GIGYF2: variants seen among roughly 807,000 people sequenced by gnomAD.
The protein encoded by GIGYF2 is GRB10-interacting GYF protein 2.
A neutral mutation model predicts 208.1 loss-of-function variants in GIGYF2; 25 were observed. That is an observed-to-expected ratio of 0.12 (90% CI 0.09 to 0.17). GIGYF2 has a LOEUF of 0.17. GIGYF2 is among the 10% of genes least tolerant of loss of function. The probability of loss-of-function intolerance (pLI) is 1.00; values close to 1 mark genes in which losing one functional copy is unlikely to be tolerated. For synonymous variants in GIGYF2, 534 were observed against 543.8 expected, an observed-to-expected ratio of 0.98 and a Z score of 0.25; for missense variants, 1,302 against 1,579.4, an observed-to-expected ratio of 0.82 and a Z score of 2.98.
intron 27 of GIGYF2, 78 bp from the exon 28 acceptor site, chr2:232,850,184 G>A: frequency 1.7e-6 from 2 of 1,207,618 alleles, no homozygotes; most frequent in Non-Finnish European, 2.5e-6. Flanking sequence ...GATAAGGTGA[G>A]GACAAACCAA....
chr2:232,843,989 T>G, intron 23 of GIGYF2, 57 bp from the exon 24 acceptor site: 1 of 1,519,818 alleles, frequency 6.6e-7, no homozygotes, highest in Non-Finnish European at 9.1e-7. Flanking sequence ...TACTGGATAT[T>G]TATAACTATT....
intron 14 of GIGYF2, among the ~76,000 whole-genome samples, chr2:232,800,193 T>C (rs1157694985): frequency 2.0e-5 from 3 of 152,132 alleles, no homozygotes; most frequent in African/African-American, 7.2e-5. Context: ...ATCCTAGAAA[T>C]CATTATTGTA....
chr2:232,843,951 C>G, intron 23 of GIGYF2, 95 bp from the exon 24 acceptor site: 1 of 1,059,752 alleles, frequency 9.4e-7, no homozygotes, highest in African/African-American at 1.6e-5. Context: ...TTTTATGTAG[C>G]TACTGTGTAT....
At chr2:232,825,714 A>T (rs928394481) in intron 21 of GIGYF2, among the ~76,000 whole-genome samples, 1 of 149,852 alleles carries the variant, frequency 6.7e-6, no homozygotes, top group Non-Finnish European at 1.5e-5. Flanking sequence ...ATTGACTCCA[A>T]TTTTTTTTTT....
intron 2 of GIGYF2, among the ~76,000 whole-genome samples, chr2:232,713,908 A>G (rs1320675624): frequency 4.0e-5 from 6 of 150,726 alleles, no homozygotes; most frequent in Non-Finnish European, 8.9e-5. Context: ...CTGTGAAGTT[A>G]GTTATTCCCC....
intron 9 of GIGYF2, among the ~76,000 whole-genome samples, chr2:232,787,927 C>T (rs1699964621): frequency 6.6e-6 from 1 of 152,136 alleles, no homozygotes; most frequent in East Asian, 1.9e-4. Flanking sequence ...TCAAACTGTT[C>T]TTCTTGGACA....
At position 232,860,526 on chromosome 2, in the gene GIGYF2, G is replaced by A. The variant is rs1364303766; in HGVS notation, c.*3666G>A. Reference sequence around the variant, plus strand: ...GACTGATAACAAAATTGGTAATTTTGTATAAAATGCCCAACTGTGCATTAT... The same window carrying A: ...GACTGATAACAAAATTGGTAATTTTATATAAAATGCCCAACTGTGCATTAT... On this transcript the variant is annotated 3_prime_UTR_variant, in exon 29 of 29. Coordinates refer to ENST00000373563, the MANE Select transcript of GIGYF2 (RefSeq NM_001103146.3). The A allele has an allele frequency of 6.6e-6, 1 of 151,670 alleles. No individual in the cohort carries two copies. Among genetic ancestry groups the A allele is most frequent in the African/African-American group, 2.4e-5 (1 of 41,286 alleles). 9.4% of individuals were successfully genotyped at this position (151,670 alleles called of 1,614,324 possible). A position where few individuals can be genotyped will look rare whatever the true frequency, so the allele number is the denominator to read the frequency against.
At chr2:232,793,584 G>C (rs1700135839) in intron 12 of GIGYF2, among the ~76,000 whole-genome samples, 1 of 152,178 alleles carries the variant, frequency 6.6e-6, no homozygotes, top group Non-Finnish European at 1.5e-5. Context: ...ACGAGAAGAA[G>C]TTAAGTGGAG....
Position 232,819,834 on chromosome 2 carries a change from C to T in GIGYF2, c.2378C>T (p.Ala793Val), listed in dbSNP as rs748538823. 75 of 1,262,988 alleles carry T rather than the reference C, an allele frequency of 5.9e-5. 1 individual carries two copies. In the Middle Eastern group the frequency reaches 5.7e-3, roughly 96 times the overall value. The allele number at this position is 1,262,988 out of a possible 1,614,324, so 78.2% of individuals were successfully genotyped here. ...TCCATCTTTTTTCCTTAGGAAGAGG[C>T]TCTGCGTCGCCAGCGGGAGCAAGAA... is the stretch of plus-strand genomic sequence containing the variant. ...EELARRKQEE[A>V]LRRQREQEIA... is the part of the protein sequence containing the mutation. Residue 793 changes from alanine (A) to valine (V), a missense_variant, in exon 21 of 29, where the codon GCT (alanine) becomes GTT (valine). Ala to Val is a moderately conservative substitution (Grantham distance 64). This residue lies in a region of GIGYF2 where 701 missense variants were observed against 793.0 expected (regional missense o/e 0.88). Transcript: ENST00000373563.
chr2:232,738,585 G>C (rs899826379), intron 3 of GIGYF2, among the ~76,000 whole-genome samples: 4 of 152,164 alleles, frequency 2.6e-5, no homozygotes, highest in Admixed American at 6.5e-5. Context: ...ATTGAGGGCA[G>C]GTACTTTGAT....
chr2:232,826,000 C>T (rs1431206562), intron 21 of GIGYF2, among the ~76,000 whole-genome samples: 1 of 152,106 alleles, frequency 6.6e-6, no homozygotes, highest in Non-Finnish European at 1.5e-5. Context: ...TGATGATTTC[C>T]AGCTTCATCC....
intron 12 of GIGYF2, among the ~76,000 whole-genome samples, chr2:232,793,615 A>T (rs933069908): frequency 2.6e-5 from 4 of 152,138 alleles, no homozygotes; most frequent in Non-Finnish European, 5.9e-5. Context: ...AGCAGTTGTG[A>T]ATGAGGGACT....
chr2:232,826,954 G>A (rs1453473990), intron 21 of GIGYF2, among the ~76,000 whole-genome samples: 2 of 152,288 alleles, frequency 1.3e-5, no homozygotes, highest in East Asian at 3.9e-4. Context: ...TACAACTCCT[G>A]AAAGCTCAGA....
intron 9 of GIGYF2, among the ~76,000 whole-genome samples, chr2:232,790,453 A>C (rs1355088644): frequency 6.6e-6 from 1 of 152,108 alleles, no homozygotes; most frequent in African/African-American, 2.4e-5. Flanking sequence ...TGCATTTTAG[A>C]TTTATCTTTT....
At chr2:232,711,100 G>A (rs918830568) in intron 2 of GIGYF2, among the ~76,000 whole-genome samples, 4 of 137,840 alleles carry the variant, frequency 2.9e-5, no homozygotes, top group Admixed American at 1.5e-4. Context: ...TTTTTTATTT[G>A]TTAATTTTTT....
intron 8 of GIGYF2, among the ~76,000 whole-genome samples, chr2:232,772,074 A>C (rs994139228): frequency 2.0e-5 from 3 of 152,102 alleles, no homozygotes; most frequent in Admixed American, 6.6e-5. Flanking sequence ...AACCTCAGCA[A>C]ATTTTTAGAA....
intron 8 of GIGYF2, among the ~76,000 whole-genome samples, chr2:232,781,433 G>A (rs1397407404): frequency 8.0e-6 from 1 of 124,328 alleles, no homozygotes; most frequent in Non-Finnish European, 1.6e-5. Context: ...AATATTTTTG[G>A]GGATTGCTTA....
chr2:232,739,733 T>A (rs918428575), intron 3 of GIGYF2, among the ~76,000 whole-genome samples: 6 of 152,068 alleles, frequency 3.9e-5, no homozygotes, highest in Non-Finnish European at 7.4e-5. Flanking sequence ...ACCCTAATCC[T>A]ACCACCCAAA....
intron 2 of GIGYF2, among the ~76,000 whole-genome samples, chr2:232,715,868 TTGAAA>T (rs1559378560): frequency 6.6e-6 from 1 of 151,180 alleles, no homozygotes; most frequent in African/African-American, 2.4e-5. Context: ...CAAGTTAAAG[TTGAAA>T]TGAGTGATAA....
Sources: gnomAD v4.1 joint callset for allele counts (sites outside exome capture counted in the v4.1 genomes callset) on GRCh38, gnomAD v4.1.1 for gene constraint, gnomAD v4.1.1 regional missense constraint, MANE v1.5 for transcripts, NCBI Gene and HGNC (gene_info 2026-07-23, HGNC 2026-07-21) for gene names.